The following SAMMSON variants were observed in gnomAD, a reference collection of about 807,000 sequenced individuals.
SAMMSON encodes the protein long intergenic non-protein coding RNA 1212.
intron 4 of SAMMSON, among the ~76,000 whole-genome samples, chr3:70,171,911 T>G (rs534800537): frequency 1.3e-5 from 2 of 152,000 alleles, no homozygotes; most frequent in South Asian, 4.1e-4. Context: ...AAGCCTCAAG[T>G]TGCAGGTTTC....
chr3:70,399,731 G>A (rs541573101), intron 2 of SAMMSON, among the ~76,000 whole-genome samples: 25 of 151,916 alleles, frequency 1.6e-4, no homozygotes, highest in African/African-American at 6.0e-4. Context: ...TCAGCTGGAT[G>A]TGGTGGTGTG....
At chr3:70,303,068 A>G (rs1014468352) in intron 7 of SAMMSON, among the ~76,000 whole-genome samples, 2 of 152,198 alleles carry the variant, frequency 1.3e-5, no homozygotes, top group Admixed American at 6.5e-5. Flanking sequence ...GAAGGCCAAT[A>G]CATTTAAAGT....
intron 3 of SAMMSON, among the ~76,000 whole-genome samples, chr3:70,042,558 C>T (rs2067109896): frequency 6.6e-6 from 1 of 152,060 alleles, no homozygotes; most frequent in Non-Finnish European, 1.5e-5. Context: ...GATGACAACA[C>T]ACTATACTAG....
intron 4 of SAMMSON, among the ~76,000 whole-genome samples, chr3:70,232,270 C>T (rs1701566588): frequency 6.6e-6 from 1 of 152,202 alleles, no homozygotes; most frequent in Admixed American, 6.5e-5. Context: ...ATTATTACTA[C>T]TGTTATTATA....
intron 7 of SAMMSON, among the ~76,000 whole-genome samples, chr3:70,336,042 C>CTGATATT (rs1408738091): frequency 6.6e-6 from 1 of 151,890 alleles, no homozygotes; most frequent in Non-Finnish European, 1.5e-5. Flanking sequence ...TAAAAAAGAA[C>CTGATATT]CTCATATTCT....
At chr3:70,025,963 G>A (rs2107582217) in intron 3 of SAMMSON, among the ~76,000 whole-genome samples, 1 of 152,164 alleles carries the variant, frequency 6.6e-6, no homozygotes, top group Non-Finnish European at 1.5e-5. Flanking sequence ...AAGAGGAGGG[G>A]TTGGTCTTGG....
chr3:70,139,736 G>C (rs1377259973), intron 4 of SAMMSON, among the ~76,000 whole-genome samples: 2 of 152,166 alleles, frequency 1.3e-5, no homozygotes, highest in Non-Finnish European at 2.9e-5. Context: ...TTCTTGGCCT[G>C]TGATTTTAAG....
At chr3:70,246,305 C>G (rs1701708098) in intron 4 of SAMMSON, among the ~76,000 whole-genome samples, 1 of 152,074 alleles carries the variant, frequency 6.6e-6, no homozygotes, top group South Asian at 2.1e-4. Flanking sequence ...AGCAACATGT[C>G]AGAAACAGTT....
chr3:70,219,949 C>T (rs1005521323), intron 4 of SAMMSON, among the ~76,000 whole-genome samples: 1 of 152,114 alleles, frequency 6.6e-6, no homozygotes, highest in African/African-American at 2.4e-5. Flanking sequence ...TGAGCAGAAA[C>T]AATTTCTGAG....
At chr3:70,187,820 G>T (rs1701103352) in intron 4 of SAMMSON, among the ~76,000 whole-genome samples, 2 of 152,082 alleles carry the variant, frequency 1.3e-5, no homozygotes, top group African/African-American at 2.4e-5. Context: ...CTGCAGTGTG[G>T]TGCTTTTTTT....
At chr3:70,227,563 A>C (rs1182771165) in intron 4 of SAMMSON, among the ~76,000 whole-genome samples, 1 of 152,216 alleles carries the variant, frequency 6.6e-6, no homozygotes, top group Admixed American at 6.5e-5. Context: ...GAAACCAAAA[A>C]TAAGAAAGTG....
chr3:70,017,240 G>C (rs1400201216), intron 3 of SAMMSON, among the ~76,000 whole-genome samples: 2 of 152,138 alleles, frequency 1.3e-5, no homozygotes, highest in Non-Finnish European at 2.9e-5. Context: ...TATTCCATTT[G>C]TTTGTATCTT....
chr3:70,114,264 AT>A (rs2067401238), intron 4 of SAMMSON, among the ~76,000 whole-genome samples: 1 of 152,132 alleles, frequency 6.6e-6, no homozygotes, highest in South Asian at 2.1e-4. Flanking sequence ...ATCTTACTCT[AT>A]GTTTTGTGGA....
At chr3:70,196,398 C>A (rs1701180798) in intron 4 of SAMMSON, among the ~76,000 whole-genome samples, 1 of 152,052 alleles carries the variant, frequency 6.6e-6, no homozygotes, top group African/African-American at 2.4e-5. Context: ...CTAAACTGTA[C>A]ATATAAGTGA....
At chr3:70,047,683 C>A (rs928404823) in intron 3 of SAMMSON, among the ~76,000 whole-genome samples, 1 of 151,964 alleles carries the variant, frequency 6.6e-6, no homozygotes, top group Non-Finnish European at 1.5e-5. Context: ...ATTTGTGATA[C>A]TATAGAAAAA....
chr3:70,353,103 C>T (rs1401346129), intron 7 of SAMMSON, among the ~76,000 whole-genome samples: 1 of 151,880 alleles, frequency 6.6e-6, no homozygotes, highest in Non-Finnish European at 1.5e-5. Context: ...TATCAATGGA[C>T]TTAAATGTAG....
chr3:70,295,679 G>A (rs1702283132), intron 7 of SAMMSON, among the ~76,000 whole-genome samples: 1 of 152,116 alleles, frequency 6.6e-6, no homozygotes, highest in African/African-American at 2.4e-5. Context: ...GTGACAGTGT[G>A]AGACCCTATC....
intron 8 of SAMMSON, among the ~76,000 whole-genome samples, chr3:70,357,082 G>A (rs1265518719): frequency 6.6e-6 from 1 of 152,060 alleles, no homozygotes. Flanking sequence ...GTGGGATGGT[G>A]GTGCTATTAC....
At chr3:70,344,927 T>C (rs1702739366) in intron 7 of SAMMSON, among the ~76,000 whole-genome samples, 1 of 152,194 alleles carries the variant, frequency 6.6e-6, no homozygotes, top group Admixed American at 6.6e-5. Context: ...TAGTGAATGA[T>C]ATAAAAAACA....
Sources: gnomAD v4.1 joint callset for allele counts (sites outside exome capture counted in the v4.1 genomes callset) on GRCh38, gnomAD v4.1.1 for gene constraint, MANE v1.5 for transcripts, NCBI Gene and HGNC (gene_info 2026-07-23, HGNC 2026-07-21) for gene names.